OTOGL: variants seen among roughly 807,000 people sequenced by gnomAD.
OTOGL encodes the protein otogelin-like protein.
OTOGL carries 285 observed loss-of-function variants against 318.5 expected under a neutral mutation model. The observed-to-expected ratio is 0.89, with a 90% confidence interval of 0.81 to 0.99. OTOGL has a LOEUF of 0.99. OTOGL is among the 50% of genes least tolerant of loss of function. The pLI is 0.00. For missense variants in OTOGL, 2,899 were observed against 2,845.6 expected (o/e 1.02, Z -0.43); for synonymous variants, 987 against 936.5 (o/e 1.05, Z -0.99).
At chr12:80,377,018 T>C (rs1891207973) in intron 57 of OTOGL, 105 bp from the exon 58 acceptor site, 2 of 675,730 alleles carry the variant, frequency 3.0e-6, no homozygotes, top group Admixed American at 3.6e-5. Context: ...GAATATATTT[T>C]ATATAAATAC....
intron 1 of OTOGL, among the ~76,000 whole-genome samples, chr12:80,113,658 G>C (rs774792775): frequency 6.6e-6 from 1 of 152,076 alleles, no homozygotes; most frequent in African/African-American, 2.4e-5. Context: ...GTTTTGTCCA[G>C]AGCTGAGTTC....
intron 52 of OTOGL, among the ~76,000 whole-genome samples, chr12:80,364,758 G>T (rs1318811664): frequency 2.0e-5 from 3 of 151,950 alleles, no homozygotes; most frequent in Non-Finnish European, 2.9e-5. Context: ...TCAGTCCTTT[G>T]TTGTTAATAA....
chr12:80,314,177 GTT>G (rs1886826630), intron 31 of OTOGL, 126 bp from the exon 32 acceptor site: 3 of 309,110 alleles, frequency 9.7e-6, no homozygotes, highest in Non-Finnish European at 1.8e-5. Context: ...CTCAGAAAAA[GTT>G]CCTAAATAAT....
Position 80,370,640 on chromosome 12 carries a change from T to C in OTOGL, c.6686T>C (p.Leu2229Pro), listed in dbSNP as rs1368568822. ...CVKTDEGAIILNYTMVCPPFN... is the reference protein window; with the variant it reads ...CVKTDEGAIIPNYTMVCPPFN... The stretch of plus-strand genomic sequence containing the variant: ...AAAACTGATGAAGGAGCAATAATTC[T>C]GAACTACACAATGGTCTGTCCCCCT... The change falls in exon 56 of 59, where the codon CTG (leucine) becomes CCG (proline). Residue 2229 changes from leucine to proline, a missense_variant. By Grantham distance (98) the Leu-to-Pro change is moderately conservative. Coordinates refer to ENST00000547103, the MANE Select transcript of OTOGL (RefSeq NM_001378609.3). 4 of 1,596,706 alleles carry C rather than the reference T, an allele frequency of 2.5e-6. No individual in the cohort carries two copies. Among genetic ancestry groups the C allele is most frequent in the Non-Finnish European group, 3.4e-6 (4 of 1,168,878 alleles).
At chr12:80,350,002 C>T (rs954892247) in intron 44 of OTOGL, among the ~76,000 whole-genome samples, 22 of 152,248 alleles carry the variant, frequency 1.4e-4, no homozygotes, top group African/African-American at 5.3e-4. Flanking sequence ...ACATGCTGTA[C>T]AATAGATCTC....
At position 80,313,519 on chromosome 12, in the gene OTOGL, G is replaced by A. The variant is rs758617424; in HGVS notation, c.3494G>A (p.Cys1165Tyr). Residue 1165 changes from cysteine to tyrosine, a missense_variant, in exon 31 of 59, where the codon TGT (cysteine) becomes TAT (tyrosine). Cys to Tyr is a radical substitution (Grantham distance 194). Coordinates refer to ENST00000547103, the MANE Select transcript of OTOGL (RefSeq NM_001378609.3). ...SFAKNCHEDT[C>Y]NCNLGGDCEC... ...GCCAAAAATTGTCATGAAGATACAT[G>A]TAACTGCAATCTTGGTGGCGACTGT... is the stretch of plus-strand genomic sequence containing the variant. 2.0e-5 allele frequency: 33 copies of A among 1,612,524 alleles called. No homozygotes were observed. The Middle Eastern group carries it at 2.1e-3, about 105-fold the overall frequency.
At chr12:80,156,076 G>A (rs145140212) in intron 1 of OTOGL, among the ~76,000 whole-genome samples, 99 of 152,298 alleles carry the variant, frequency 6.5e-4, no homozygotes, top group African/African-American at 2.2e-3. Flanking sequence ...TTTTTCCTGG[G>A]TGTGCCTGTG....
At chr12:80,338,485 C>A (rs538600346) in intron 42 of OTOGL, among the ~76,000 whole-genome samples, 3 of 152,086 alleles carry the variant, frequency 2.0e-5, no homozygotes, top group Admixed American at 1.3e-4. Flanking sequence ...TTTAAAGCAC[C>A]GTTTTTCAAA....
chr12:80,217,805 A>C, intron 5 of OTOGL, 141 bp downstream of exon 5: 1 of 594,282 alleles, frequency 1.7e-6, no homozygotes, highest in Non-Finnish European at 2.8e-6. Context: ...GTAATAATTT[A>C]AGTTCACTTC....
chr12:80,368,050 G>T (rs544034073), intron 54 of OTOGL, among the ~76,000 whole-genome samples, 155 bp from the exon 55 acceptor site: 1 of 152,098 alleles, frequency 6.6e-6, no homozygotes, highest in South Asian at 2.1e-4. Flanking sequence ...ACCATATAAA[G>T]TCAATTATTA....
intron 1 of OTOGL, among the ~76,000 whole-genome samples, chr12:80,142,241 A>G (rs1194516247): frequency 2.0e-5 from 3 of 152,148 alleles, no homozygotes; most frequent in Non-Finnish European, 4.4e-5. Flanking sequence ...TACTTTTAGT[A>G]ATATATCATA....
intron 1 of OTOGL, among the ~76,000 whole-genome samples, chr12:80,195,839 A>G (rs527677311): frequency 6.6e-6 from 1 of 152,362 alleles, no homozygotes; most frequent in Non-Finnish European, 1.5e-5. Context: ...TACCATGGAC[A>G]TCTGCAAACA....
At chr12:80,119,638 C>T (rs1423168166) in intron 1 of OTOGL, among the ~76,000 whole-genome samples, 1 of 152,154 alleles carries the variant, frequency 6.6e-6, no homozygotes, top group East Asian at 1.9e-4. Context: ...TGGCCCCTTC[C>T]CCCATGTACT....
intron 26 of OTOGL, among the ~76,000 whole-genome samples, chr12:80,292,682 C>T (rs549406294): frequency 6.6e-6 from 1 of 152,236 alleles, no homozygotes; most frequent in South Asian, 2.1e-4. Flanking sequence ...ACACAATAGA[C>T]AAGGAAATTT....
chr12:80,287,552 A>G (rs1884728100), intron 26 of OTOGL, among the ~76,000 whole-genome samples: 1 of 148,170 alleles, frequency 6.7e-6, no homozygotes, highest in South Asian at 2.1e-4. Flanking sequence ...GTTCGTCTCT[A>G]AGAACTTGCT....
At chr12:80,249,705 TC>T (rs1248320700) in intron 11 of OTOGL, among the ~76,000 whole-genome samples, 1 of 152,090 alleles carries the variant, frequency 6.6e-6, no homozygotes, top group Non-Finnish European at 1.5e-5. Flanking sequence ...AGTTCGAGCT[TC>T]CCGGCTGCTT....
In OTOGL at chr12:80,116,445, C is replaced by T. The variant is rs534930978; in HGVS notation, c.-20+16840C>T. On this transcript the variant is annotated intron_variant, in intron 1 of 58. Transcript: ENST00000547103. ...CAGTTGGAAATGCAGAAATCACCTG[C>T]CTTCTACATTGGTATCCCTGGGAAC... Among the ~76,000 whole-genome samples, 17 of 152,136 alleles carry T rather than the reference C, an allele frequency of 1.1e-4. No homozygotes were observed. In the South Asian group the frequency reaches 3.3e-3, roughly 30 times the overall value.
At chr12:80,149,298 T>C (rs1027035675) in intron 1 of OTOGL, among the ~76,000 whole-genome samples, 5 of 151,666 alleles carry the variant, frequency 3.3e-5, no homozygotes, top group Non-Finnish European at 5.9e-5. Flanking sequence ...TGCAGGTCTG[T>C]TGGAGTACCC....
At chr12:80,221,560 C>T (rs534633887) in intron 6 of OTOGL, among the ~76,000 whole-genome samples, 1 of 152,104 alleles carries the variant, frequency 6.6e-6, no homozygotes, top group Non-Finnish European at 1.5e-5. Flanking sequence ...CAAGCCACCA[C>T]ACCAGCCAAA....
Sources: allele counts gnomAD v4.1 joint callset (sites outside exome capture counted in the v4.1 genomes callset), GRCh38; gene constraint gnomAD v4.1.1; transcripts MANE v1.5; gene names NCBI Gene and HGNC (gene_info 2026-07-23, HGNC 2026-07-21).